Variants in LMTK2 observed in about 807,000 individuals in gnomAD.
The protein encoded by LMTK2 is serine/threonine-protein kinase LMTK2.
Under a neutral mutation model 127.5 loss-of-function variants are expected in LMTK2, and 37 were observed. The ratio of observed to expected loss-of-function variants is 0.29; its 90% confidence interval spans 0.22 to 0.38. The LOEUF (loss-of-function observed/expected upper bound fraction) is 0.38. LMTK2 is among the 10% of genes least tolerant of loss of function. The pLI, the probability that LMTK2 is intolerant of heterozygous loss-of-function variation, is 1.00. For synonymous variants in LMTK2, 819 were observed against 810.1 expected (o/e 1.01, Z -0.19); for missense variants, 1,694 against 1,920.3 (o/e 0.88, Z 2.20).
At chr7:98,147,796 G>A (rs991183632) in intron 3 of LMTK2, among the ~76,000 whole-genome samples, 2 of 152,194 alleles carry the variant, frequency 1.3e-5, no homozygotes, top group Admixed American at 1.3e-4. Flanking sequence ...TTCAGGTCAA[G>A]CTTCTTCTAG....
intron 7 of LMTK2, among the ~76,000 whole-genome samples, chr7:98,176,806 C>A (rs1797284561): frequency 6.6e-6 from 1 of 152,174 alleles, no homozygotes; most frequent in Admixed American, 6.5e-5. Flanking sequence ...GAGATCGCAC[C>A]ACTGCACTCC....
At chr7:98,127,328 A>C (rs1488644288) in intron 1 of LMTK2, among the ~76,000 whole-genome samples, 1 of 152,172 alleles carries the variant, frequency 6.6e-6, no homozygotes, top group Non-Finnish European at 1.5e-5. Flanking sequence ...TGCTAGGAGA[A>C]AAAGGCCCAA....
chr7:98,109,765 A>AAAG (rs1353590833), intron 1 of LMTK2, among the ~76,000 whole-genome samples: 2 of 150,518 alleles, frequency 1.3e-5, no homozygotes, highest in Admixed American at 1.3e-4. Flanking sequence ...AAAAAAAAAG[A>AAAG]AAGGAAGATG....
At chr7:98,190,644 A>T in intron 9 of LMTK2, 84 bp from the exon 10 acceptor site, 1 of 1,257,026 alleles carries the variant, frequency 8.0e-7, no homozygotes, top group South Asian at 1.2e-5. Context: ...TTGTCCTTAA[A>T]ATTACTGGCT....
intron 9 of LMTK2, among the ~76,000 whole-genome samples, chr7:98,189,474 G>A (rs1486108171): frequency 2.0e-5 from 3 of 152,012 alleles, no homozygotes; most frequent in Non-Finnish European, 2.9e-5. Context: ...GAATCACTGG[G>A]GAACTTTTTA....
chr7:98,124,646 C>T (rs1301725268), intron 1 of LMTK2, among the ~76,000 whole-genome samples: 1 of 152,082 alleles, frequency 6.6e-6, no homozygotes, highest in Non-Finnish European at 1.5e-5. Context: ...ATTATCTGGG[C>T]ATGGTGGTGC....
Position 98,207,110 on chromosome 7 carries a change from G to A in LMTK2, c.*1618G>A, listed in dbSNP as rs533705578. The A allele has an allele frequency of 1.8e-4, 28 of 152,406 alleles. No homozygotes were observed. Among genetic ancestry groups the A allele is most frequent in the African/African-American group, 4.6e-4 (19 of 41,542 alleles). 9.4% of individuals were successfully genotyped at this position (152,406 alleles called of 1,614,324 possible). On this transcript the variant is annotated 3_prime_UTR_variant, in exon 14 of 14. Transcript: ENST00000297293. ...AAGTCCTCGGTGGCTGGTGCAGCGC[G>A]GCTGTGCTGTGCTGGGGAGGCAGCC...
chr7:98,108,693 T>C (rs1215648144), intron 1 of LMTK2, among the ~76,000 whole-genome samples: 1 of 152,168 alleles, frequency 6.6e-6, no homozygotes, highest in Non-Finnish European at 1.5e-5. Flanking sequence ...GATGTTGATA[T>C]TTAAAGATAT....
chr7:98,134,563 C>A lies in LMTK2; in HGVS notation c.104-2752C>A, dbSNP rs189168855. 2.8e-4 allele frequency among the ~76,000 whole-genome samples: 42 copies of A among 152,056 alleles called. No individual in the cohort carries two copies. The East Asian group carries it at 7.9e-3, about 29-fold the overall frequency. Reference sequence around the variant, plus strand: ...GGCGCAGTGGCTCATGCCTGTAATCCCAGCGCTTTGGGAGGCTGAAGTGGG... The same window carrying A: ...GGCGCAGTGGCTCATGCCTGTAATCACAGCGCTTTGGGAGGCTGAAGTGGG... On this transcript the variant is annotated intron_variant, in intron 1 of 13. Coordinates refer to ENST00000297293, the MANE Select transcript of LMTK2 (RefSeq NM_014916.4).
At chr7:98,120,065 A>G (rs1796340822) in intron 1 of LMTK2, among the ~76,000 whole-genome samples, 1 of 152,216 alleles carries the variant, frequency 6.6e-6, no homozygotes, top group African/African-American at 2.4e-5. Flanking sequence ...CTGTCTCTGA[A>G]GCTGCTACAT....
At position 98,107,195 on chromosome 7, in the gene LMTK2, G is replaced by C. The variant is rs1160888628; in HGVS notation, c.18G>C (p.Ala6=). Residue 6 remains alanine (A), a synonymous_variant, in exon 1 of 14, where the codon GCG becomes GCC. Coordinates refer to ENST00000297293, the MANE Select transcript of LMTK2 (RefSeq NM_014916.4). ...TGGGCGAGATGCCGGGGCCGCCGGC[G>C]TTGCGGCGGAGGCTGCTGCTGCTGC... MPGPP[A]LRRRLLLLLL... is the part of the protein sequence containing the mutation. 1.4e-6 allele frequency: 2 copies of C among 1,453,950 alleles called. No homozygotes were observed. The highest frequency in any genetic ancestry group is 1.8e-6 in the Non-Finnish European group (2 of 1,111,450). 90.1% of individuals were successfully genotyped at this position (1,453,950 alleles called of 1,614,324 possible).
chr7:98,108,801 T>C (rs573454426), intron 1 of LMTK2, among the ~76,000 whole-genome samples: 1 of 152,178 alleles, frequency 6.6e-6, no homozygotes, highest in East Asian at 1.9e-4. Context: ...CTTAATTGGA[T>C]TTTTATATAT....
At chr7:98,162,648 C>T (rs1562910231) in intron 6 of LMTK2, among the ~76,000 whole-genome samples, 4 of 152,196 alleles carry the variant, frequency 2.6e-5, no homozygotes, top group African/African-American at 9.7e-5. Flanking sequence ...GAGCTAATAG[C>T]TTGTTTAATT....
chr7:98,185,041 C>T lies in LMTK2; in HGVS notation c.792-10C>T. On this transcript the variant is annotated splice_polypyrimidine_tract_variant and intron_variant, in intron 7 of 13. Coordinates refer to ENST00000297293, the MANE Select transcript of LMTK2 (RefSeq NM_014916.4). The stretch of plus-strand genomic sequence containing the variant: ...TTCTTCTTGCCATGTTCACTTCCCT[C>T]TGTTTTCAGTGATTTAGCCCTGCGG... 2 of 1,599,442 alleles carry T rather than the reference C, an allele frequency of 1.3e-6. No homozygotes were observed.
At chr7:98,187,330 G>A (rs993806456) in intron 9 of LMTK2, among the ~76,000 whole-genome samples, 1 of 152,182 alleles carries the variant, frequency 6.6e-6, no homozygotes, top group African/African-American at 2.4e-5. Context: ...TGAAAGGGGT[G>A]TGGACTATCA....
rs1797779569 is a variant in LMTK2 at position 98,205,563 on chromosome 7, A to T, written c.*71A>T. On this transcript the variant is annotated 3_prime_UTR_variant, in exon 14 of 14. Transcript: ENST00000297293. ...GCGGCGCCCCTGCGCCCTCAGCCCGAGCAGCGACATCCACTCGCCATTTGC... is the reference window on the plus strand; with the variant it reads ...GCGGCGCCCCTGCGCCCTCAGCCCGTGCAGCGACATCCACTCGCCATTTGC... The T allele has an allele frequency of 1.3e-6, 2 of 1,507,478 alleles. No homozygotes were observed. Among genetic ancestry groups the T allele is most frequent in the South Asian group, 2.3e-5 (2 of 88,194 alleles). 93.4% of individuals were successfully genotyped at this position (1,507,478 alleles called of 1,614,324 possible).
rs1797854815 is a variant in LMTK2, at chr7:98,209,318, G to C, written c.*3826G>C. ...ATCAGTTTGACCGGTGTGGACACGT[G>C]CTGGTTAAGCACTCAGGCCTACGTG... On this transcript the variant is annotated 3_prime_UTR_variant, in exon 14 of 14. Coordinates refer to ENST00000297293, the MANE Select transcript of LMTK2 (RefSeq NM_014916.4). 1 of 152,210 alleles carries C rather than the reference G, an allele frequency of 6.6e-6. No individual in the cohort carries two copies. Among genetic ancestry groups the C allele is most frequent in the South Asian group, 2.1e-4 (1 of 4,834 alleles). The allele number at this position is 152,210 out of a possible 1,614,324, so 9.4% of individuals were successfully genotyped here.
intron 11 of LMTK2, among the ~76,000 whole-genome samples, chr7:98,197,131 A>C (rs979389027): frequency 6.6e-6 from 1 of 152,282 alleles, no homozygotes; most frequent in Admixed American, 6.5e-5. Context: ...TTGTCAGTTC[A>C]GCAAATACTT....
chr7:98,113,947 T>G (rs1217063814), intron 1 of LMTK2, among the ~76,000 whole-genome samples: 1 of 148,346 alleles, frequency 6.7e-6, no homozygotes, highest in Admixed American at 6.9e-5. Context: ...TTTTTTTTTT[T>G]GCAAAAGTTA....
Sources: gnomAD v4.1 joint callset for allele counts (sites outside exome capture counted in the v4.1 genomes callset) on GRCh38, gnomAD v4.1.1 for gene constraint, MANE v1.5 for transcripts, NCBI Gene and HGNC (gene_info 2026-07-23, HGNC 2026-07-21) for gene names.